TRANK1: variants seen among roughly 807,000 people sequenced by gnomAD.
TRANK1 encodes tetratricopeptide repeat and ankyrin repeat containing 1.
Under a neutral mutation model 266.0 loss-of-function variants are expected in TRANK1, and 198 were observed. That is an observed-to-expected ratio of 0.74 (90% CI 0.66 to 0.84). The LOEUF is 0.84. Among genes scored for constraint, TRANK1 ranks in the 40% least tolerant of loss-of-function variants. The pLI, the probability that TRANK1 is intolerant of heterozygous loss-of-function variation, is 0.00. For synonymous variants in TRANK1, 1,396 were observed against 1,384.1 expected (o/e 1.01, Z -0.19); for missense variants, 3,326 against 3,634.6 (o/e 0.92, Z 2.18).
chr3:36,898,863 A>G (rs1349753171), intron 4 of TRANK1, among the ~76,000 whole-genome samples: 1 of 152,118 alleles, frequency 6.6e-6, no homozygotes, highest in Non-Finnish European at 1.5e-5. Context: ...AAAAAAAAAA[A>G]AAAATCTGAA....
In TRANK1 at chr3:36,857,368, T is replaced by A. The variant is rs749261841; in HGVS notation, c.2354A>T (p.Glu785Val). Residue 785 changes from glutamate (E) to valine (V), a missense_variant, in exon 13 of 24, where the codon GAG (glutamate) becomes GTG (valine). Glu to Val is a moderately radical substitution (Grantham distance 121). Transcript: ENST00000645898. The surrounding 1 kb of genome is among the most constrained non-coding windows in gnomAD (Gnocchi z 4.3). ...CACCTGAGCATGTCCTTCCCCCACC[T>A]CACTACAGTCAGGGGCCCCTGCACC... ...TLGAGAPDCS[E>V]VGEGHAQVGL... 13 of 1,608,108 alleles carry A rather than the reference T, an allele frequency of 8.1e-6. No homozygotes were observed. The highest frequency in any genetic ancestry group is 1.1e-5 in the Non-Finnish European group (13 of 1,177,184).
At chr3:36,927,680 C>T (rs1273179901) in intron 1 of TRANK1, among the ~76,000 whole-genome samples, 1 of 152,188 alleles carries the variant, frequency 6.6e-6, no homozygotes, top group African/African-American at 2.4e-5. Flanking sequence ...TGGTCGCTCA[C>T]CCCCAACAAT....
chr3:36,935,732 T>C (rs112245752), intron 1 of TRANK1, among the ~76,000 whole-genome samples: 1,879 of 152,084 alleles, frequency 0.012, 39 homozygotes, highest in African/African-American at 0.04. Context: ...CAGGCGTGAG[T>C]CACCGCACAC....
At chr3:36,850,134 C>G in intron 15 of TRANK1, 2 of 985,376 alleles carry the variant, frequency 2.0e-6, no homozygotes, top group Non-Finnish European at 2.4e-6. Context: ...TAATAAAGAA[C>G]AGAAACAACA....
intron 8 of TRANK1, among the ~76,000 whole-genome samples, chr3:36,878,490 G>T (rs996409538): frequency 1.8e-4 from 27 of 152,232 alleles, no homozygotes; most frequent in Non-Finnish European, 3.5e-4. Flanking sequence ...CATGAATCAT[G>T]ACCTTTAGGT....
At chr3:36,885,022 G>A (rs2079583135) in intron 8 of TRANK1, among the ~76,000 whole-genome samples, 1 of 151,980 alleles carries the variant, frequency 6.6e-6, no homozygotes, top group Admixed American at 6.5e-5. Flanking sequence ...AGTAATACCT[G>A]TAGCTGTCAA....
At position 36,828,562 on chromosome 3, in the gene TRANK1, G is replaced by A. The variant is rs1333267551; in HGVS notation, c.8810-187C>T. On this transcript the variant is annotated intron_variant, in intron 23 of 23. Coordinates refer to ENST00000645898, the MANE Select transcript of TRANK1 (RefSeq NM_001329998.2). The stretch of plus-strand genomic sequence containing the variant: ...CATCCTAGTAAAACCTAGTGTCTCC[G>A]TAATCATTGGTTTAAATTAATGAAA... Among the ~76,000 whole-genome samples the A allele has an allele frequency of 7.2e-5, 11 of 152,198 alleles. No homozygotes were observed. The South Asian group carries it at 1.0e-3, about 14-fold the overall frequency.
At chr3:36,899,435 G>A (rs1389524020) in intron 3 of TRANK1, among the ~76,000 whole-genome samples, 176 bp from the exon 4 acceptor site, 1 of 152,142 alleles carries the variant, frequency 6.6e-6, no homozygotes, top group Non-Finnish European at 1.5e-5. Context: ...CAGGAGGATC[G>A]CTTGAGCTCA....
intron 9 of TRANK1, among the ~76,000 whole-genome samples, chr3:36,872,634 A>G (rs1032685287): frequency 1.3e-5 from 2 of 152,214 alleles, no homozygotes; most frequent in African/African-American, 4.8e-5. Context: ...AAGATAAATT[A>G]TAAAAGGAGA....
chr3:36,896,492 C>T (rs13061805), intron 4 of TRANK1, among the ~76,000 whole-genome samples: 2,265 of 152,258 alleles, frequency 0.015, 29 homozygotes, highest in South Asian at 0.024. Flanking sequence ...AATTTAGAAA[C>T]TGGGCGACGC....
intron 13 of TRANK1, among the ~76,000 whole-genome samples, chr3:36,853,843 T>C (rs2079015444): frequency 1.3e-5 from 2 of 152,220 alleles, no homozygotes; most frequent in African/African-American, 4.8e-5. Flanking sequence ...AGATGAGTTG[T>C]CACCGTGGAG....
At chr3:36,885,555 A>G (rs950710769) in intron 8 of TRANK1, among the ~76,000 whole-genome samples, 1 of 152,228 alleles carries the variant, frequency 6.6e-6, no homozygotes, top group Non-Finnish European at 1.5e-5. Flanking sequence ...TATTTTTTAG[A>G]GACAGGGTCT....
intron 20 of TRANK1, among the ~76,000 whole-genome samples, chr3:36,836,650 C>A (rs1204342462): frequency 6.6e-6 from 1 of 152,170 alleles, no homozygotes; most frequent in Non-Finnish European, 1.5e-5. Context: ...GGGCCCCATA[C>A]CCACCAATGG....
chr3:36,903,298 T>G (rs1300324977), intron 2 of TRANK1, 23 bp from the exon 3 acceptor site: 1 of 1,534,876 alleles, frequency 6.5e-7, no homozygotes, highest in Non-Finnish European at 8.7e-7. Flanking sequence ...ACCGGTGGTC[T>G]GTCATGGTTC....
At chr3:36,900,519 T>G (rs764222009) in intron 3 of TRANK1, among the ~76,000 whole-genome samples, 4 of 152,118 alleles carry the variant, frequency 2.6e-5, no homozygotes, top group Non-Finnish European at 5.9e-5. Context: ...TAAAATGATA[T>G]TGCCTACCCC....
chr3:36,875,346 G>A (rs2079371511), intron 8 of TRANK1, among the ~76,000 whole-genome samples: 1 of 152,206 alleles, frequency 6.6e-6, no homozygotes, highest in Non-Finnish European at 1.5e-5. Flanking sequence ...GATACAAGAG[G>A]CAGGACAAGG....
At chr3:36,875,553 G>A (rs1472908541) in intron 8 of TRANK1, among the ~76,000 whole-genome samples, 1 of 152,190 alleles carries the variant, frequency 6.6e-6, no homozygotes, top group Non-Finnish European at 1.5e-5. Context: ...AGAAAACTCA[G>A]TCACATCATG....
chr3:36,926,580 A>G (rs543483471), intron 1 of TRANK1, among the ~76,000 whole-genome samples: 2 of 152,132 alleles, frequency 1.3e-5, no homozygotes, highest in Non-Finnish European at 2.9e-5. Flanking sequence ...AGAAACTCCA[A>G]GGGGTCTGGC....
rs2079837077 is a variant in TRANK1, at chr3:36,899,092, C to A, written c.433+17G>T. On this transcript the variant is annotated intron_variant, in intron 4 of 23. Coordinates refer to ENST00000645898, the MANE Select transcript of TRANK1 (RefSeq NM_001329998.2). The stretch of plus-strand genomic sequence containing the variant: ...ATAGCAAGGACTTTACAAAAAGTCT[C>A]CCCAGTTCCAACTTACTGCTCATAG... 1.3e-6 allele frequency: 2 copies of A among 1,536,806 alleles called. No homozygotes were observed. The highest frequency in any genetic ancestry group is 1.7e-6 in the Non-Finnish European group (2 of 1,146,750).
Sources: allele counts gnomAD v4.1 joint callset (sites outside exome capture counted in the v4.1 genomes callset), GRCh38; gene constraint gnomAD v4.1.1; non-coding constraint Gnocchi (gnomAD v3.1); transcripts MANE v1.5; gene names NCBI Gene and HGNC (gene_info 2026-07-23, HGNC 2026-07-21).